Variants in MACROD2 observed in about 807,000 individuals in gnomAD.
The protein encoded by MACROD2 is mono-ADP ribosylhydrolase 2.
Under a neutral mutation model 70.4 loss-of-function variants are expected in MACROD2, and 36 were observed. That is an observed-to-expected ratio of 0.51 (90% CI 0.39 to 0.68). The LOEUF (loss-of-function observed/expected upper bound fraction) is 0.68, where lower values mean the gene tolerates loss of function less well. MACROD2 is among the 30% of genes least tolerant of loss of function. MACROD2 has a pLI of 0.00. For synonymous variants in MACROD2, 172 were observed against 178.8 expected (o/e 0.96, Z 0.30); for missense variants, 496 against 538.4 (o/e 0.92, Z 0.78).
At chr20:14,582,131 A>G (rs1013739959) in intron 4 of MACROD2, among the ~76,000 whole-genome samples, 1 of 152,148 alleles carries the variant, frequency 6.6e-6, no homozygotes, top group Non-Finnish European at 1.5e-5. Flanking sequence ...TGAATAAACT[A>G]TCTGTGCACA....
chr20:14,037,665 A>G (rs55684212), intron 2 of MACROD2, among the ~76,000 whole-genome samples: 55,986 of 151,910 alleles, frequency 0.37, 10,952 homozygotes, highest in South Asian at 0.48. Flanking sequence ...GTTAGTAACC[A>G]TGGAGCTAAG....
intron 4 of MACROD2, among the ~76,000 whole-genome samples, chr20:14,578,239 T>C (rs1980749260): frequency 6.6e-6 from 1 of 151,796 alleles, no homozygotes; most frequent in Admixed American, 6.6e-5. Context: ...CATGTTCAAA[T>C]ACAACATAAA....
At chr20:14,932,755 A>G (rs1415516119) in intron 5 of MACROD2, among the ~76,000 whole-genome samples, 2 of 151,892 alleles carry the variant, frequency 1.3e-5, no homozygotes, top group African/African-American at 4.8e-5. Flanking sequence ...TTTAGTAGAG[A>G]TGAGGTTTCA....
intron 15 of MACROD2, among the ~76,000 whole-genome samples, chr20:15,995,245 A>T (rs2066611516): frequency 6.6e-6 from 1 of 152,042 alleles, no homozygotes. Flanking sequence ...AATTATATAG[A>T]CACTATCACT....
intron 15 of MACROD2, among the ~76,000 whole-genome samples, chr20:16,018,040 A>G (rs1166391627): frequency 6.6e-6 from 1 of 152,222 alleles, no homozygotes; most frequent in Non-Finnish European, 1.5e-5. Flanking sequence ...CTGAACTAAC[A>G]TGAAGCTACA....
At chr20:14,231,590 C>T (rs1007294591) in intron 3 of MACROD2, among the ~76,000 whole-genome samples, 4 of 152,132 alleles carry the variant, frequency 2.6e-5, no homozygotes, top group Non-Finnish European at 4.4e-5. Context: ...AGTAGTGCCG[C>T]AATAAACATA....
chr20:15,260,340 A>T (rs2077237708), intron 6 of MACROD2, among the ~76,000 whole-genome samples: 1 of 126,804 alleles, frequency 7.9e-6, no homozygotes, highest in African/African-American at 2.9e-5. Context: ...TCTCCATGAG[A>T]TCATTTTTTT....
intron 6 of MACROD2, among the ~76,000 whole-genome samples, chr20:15,242,701 T>C (rs1264533173): frequency 6.6e-6 from 1 of 152,238 alleles, no homozygotes; most frequent in Non-Finnish European, 1.5e-5. Context: ...AAACAGGATC[T>C]AGTAGTATAT....
At chr20:15,613,670 A>G (rs1293077028) in intron 8 of MACROD2, among the ~76,000 whole-genome samples, 2 of 152,226 alleles carry the variant, frequency 1.3e-5, no homozygotes, top group Non-Finnish European at 2.9e-5. Flanking sequence ...TCCAGAAGTT[A>G]ATCTGGCATA....
chr20:15,940,083 T>G (rs999544807), intron 12 of MACROD2, among the ~76,000 whole-genome samples: 1 of 152,094 alleles, frequency 6.6e-6, no homozygotes, highest in Non-Finnish European at 1.5e-5. Flanking sequence ...GGTTTGAGAG[T>G]ATTGAGTTCA....
chr20:14,499,844 C>T (rs1156467789), intron 4 of MACROD2, among the ~76,000 whole-genome samples: 1 of 152,092 alleles, frequency 6.6e-6, no homozygotes. Context: ...CAGTCAACAG[C>T]AACTATTGAT....
intron 10 of MACROD2, among the ~76,000 whole-genome samples, chr20:15,886,842 T>C (rs1477161964): frequency 1.3e-5 from 2 of 152,132 alleles, no homozygotes; most frequent in Non-Finnish European, 2.9e-5. Flanking sequence ...GAGGATTAAA[T>C]CAGATAACAT....
intron 3 of MACROD2, among the ~76,000 whole-genome samples, chr20:14,311,981 G>A (rs956530963): frequency 1.3e-5 from 2 of 151,890 alleles, no homozygotes; most frequent in Non-Finnish European, 2.9e-5. Context: ...ATCAATATTT[G>A]GTACTGATAA....
At chr20:15,539,860 C>T (rs565948121) in intron 8 of MACROD2, among the ~76,000 whole-genome samples, 4 of 152,214 alleles carry the variant, frequency 2.6e-5, no homozygotes, top group South Asian at 4.2e-4. Context: ...TGGTGGCAGG[C>T]GCCTGTAGTC....
chr20:14,782,526 A>G (rs1011108619), intron 5 of MACROD2, among the ~76,000 whole-genome samples: 2 of 152,144 alleles, frequency 1.3e-5, no homozygotes, highest in Admixed American at 1.3e-4. Flanking sequence ...GGACATTAAC[A>G]TCACCCAAAT....
At position 14,215,052 on chromosome 20, in the gene MACROD2, A is replaced by C. The variant is rs1295035963; in HGVS notation, c.271+129324A>C. The stretch of plus-strand genomic sequence containing the variant: ...TGTGTACATATATTCCATCATATAT[A>C]TATATTCCATCATATATCTATTCCA... On this transcript the variant is annotated intron_variant, in intron 3 of 17. Transcript: ENST00000684519. Among the ~76,000 whole-genome samples, 4 of 148,746 alleles carry C rather than the reference A, an allele frequency of 2.7e-5. No homozygotes were observed. In the East Asian group the frequency reaches 5.9e-4, roughly 22 times the overall value.
At chr20:14,321,453 A>G (rs954115574) in intron 3 of MACROD2, among the ~76,000 whole-genome samples, 1 of 152,198 alleles carries the variant, frequency 6.6e-6, no homozygotes, top group Non-Finnish European at 1.5e-5. Flanking sequence ...ATTGATAAGC[A>G]GGAGTTATTT....
chr20:15,024,315 G>T (rs1437145531), intron 5 of MACROD2, among the ~76,000 whole-genome samples: 2 of 152,058 alleles, frequency 1.3e-5, no homozygotes, highest in African/African-American at 4.8e-5. Flanking sequence ...AGCGAATTAA[G>T]CAGCTTTAAA....
intron 3 of MACROD2, among the ~76,000 whole-genome samples, chr20:14,319,618 T>G (rs887347034): frequency 2.6e-5 from 4 of 152,180 alleles, no homozygotes; most frequent in Non-Finnish European, 5.9e-5. Context: ...AGACGCTGCT[T>G]TCATAATCCC....
Sources: gnomAD v4.1 joint callset for allele counts (sites outside exome capture counted in the v4.1 genomes callset) on GRCh38, gnomAD v4.1.1 for gene constraint, MANE v1.5 for transcripts, NCBI Gene and HGNC (gene_info 2026-07-23, HGNC 2026-07-21) for gene names.